Variants in SMG7 observed in about 807,000 individuals in gnomAD.
SMG7 encodes nonsense-mediated mRNA decay factor SMG7.
SMG7 carries 34 observed loss-of-function variants against 148.2 expected under a neutral mutation model. That is an observed-to-expected ratio of 0.23 (90% CI 0.17 to 0.31). SMG7 has a LOEUF of 0.31. SMG7 is among the 10% of genes least tolerant of loss of function. SMG7 has a pLI of 1.00. For missense variants in SMG7, 1,114 were observed against 1,408.4 expected, an observed-to-expected ratio of 0.79 and a Z score of 3.35; for synonymous variants, 492 against 515.1, an observed-to-expected ratio of 0.96 and a Z score of 0.61.
At chr1:183,520,931 TATA>T (rs1029299523) in intron 4 of SMG7, among the ~76,000 whole-genome samples, 84 of 152,344 alleles carry the variant, frequency 5.5e-4, no homozygotes, top group African/African-American at 1.9e-3. Context: ...TAAAACTTTT[TATA>T]ATAAGCATTG....
At chr1:183,490,977 G>A (rs1340926718) in intron 1 of SMG7, among the ~76,000 whole-genome samples, 1 of 152,092 alleles carries the variant, frequency 6.6e-6, no homozygotes, top group African/African-American at 2.4e-5. Context: ...GTAGAGCTGG[G>A]GTTTCGCCAT....
Position 183,550,772 on chromosome 1 carries a change from A to G in SMG7, c.3155A>G (p.Gln1052Arg). The G allele has an allele frequency of 6.2e-7, 1 of 1,614,108 alleles. No homozygotes were observed. The highest frequency in any genetic ancestry group is 8.5e-7 in the Non-Finnish European group (1 of 1,179,980). ...ASSDHSTPAS[Q>R]SPHSSNPSSL... ...ATAGATCATTCAACACCAGCCAGCC[A>G]GTCTCCTCATTCCTCTAACCCAAGC... Residue 1052 changes from glutamine (Q) to arginine (R), a missense_variant, in exon 21 of 23, where the codon CAG becomes CGG. By Grantham distance (43) the Gln-to-Arg change is conservative. Coordinates refer to ENST00000688051, the MANE Select transcript of SMG7 (RefSeq NM_001375584.1).
chr1:183,486,715 T>C (rs1190191640), intron 1 of SMG7, among the ~76,000 whole-genome samples: 2 of 152,068 alleles, frequency 1.3e-5, no homozygotes, highest in Non-Finnish European at 2.9e-5. Context: ...GGCCTTTTCT[T>C]TTTTTCTGAG....
intron 2 of SMG7, 180 bp downstream of exon 2, chr1:183,513,048 C>G (rs1457646456): frequency 7.1e-6 from 4 of 560,446 alleles, no homozygotes; most frequent in Non-Finnish European, 9.1e-6. Context: ...GCTTAAATAA[C>G]TGTTGGGAAT....
chr1:183,545,602 T>C (rs1168772929), intron 16 of SMG7, among the ~76,000 whole-genome samples: 1 of 152,114 alleles, frequency 6.6e-6, no homozygotes, highest in African/African-American at 2.4e-5. Context: ...CATAAACTAC[T>C]AGGGAAATAG....
intron 20 of SMG7, 101 bp downstream of exon 20, chr1:183,550,024 G>T: frequency 5.2e-6 from 4 of 761,916 alleles, no homozygotes; most frequent in South Asian, 3.0e-5. Flanking sequence ...CATTTGTTGG[G>T]TTATTTTTAT....
intron 1 of SMG7, among the ~76,000 whole-genome samples, chr1:183,489,123 C>T (rs1002975433): frequency 6.6e-6 from 1 of 151,856 alleles, no homozygotes; most frequent in African/African-American, 2.4e-5. Context: ...ACTTTTCATA[C>T]AGAAAATTGA....
chr1:183,538,319 A>C, intron 11 of SMG7, 61 bp from the exon 12 acceptor site: 6 of 1,090,320 alleles, frequency 5.5e-6, no homozygotes, highest in Non-Finnish European at 8.5e-6. Context: ...TTTAGTGAAC[A>C]GTATTCCACC....
At chr1:183,495,246 A>G (rs1333220991) in intron 1 of SMG7, among the ~76,000 whole-genome samples, 3 of 152,080 alleles carry the variant, frequency 2.0e-5, no homozygotes, top group East Asian at 3.8e-4. Flanking sequence ...AAATGCTTGT[A>G]GTTGAGCTTC....
intron 2 of SMG7, 48 bp downstream of exon 2, chr1:183,512,916 T>C: frequency 6.7e-7 from 1 of 1,499,612 alleles, no homozygotes; most frequent in Non-Finnish European, 9.0e-7. Flanking sequence ...ATATATTAAA[T>C]TAATGGAAGG....
In SMG7 at chr1:183,552,793, A is replaced by C; in HGVS notation, c.*862A>C. 1.4e-6 allele frequency: 2 copies of C among 1,417,188 alleles called. No homozygotes were observed. The highest frequency in any genetic ancestry group is 1.8e-6 in the Non-Finnish European group (2 of 1,089,040). The allele number at this position is 1,417,188 out of a possible 1,614,324, so 87.8% of individuals were successfully genotyped here. ...AGTCTCACAGAAGGCAGGCTAGTCCATTCACAGCCTGACACGTTCTAATAG... is the reference window on the plus strand; with the variant it reads ...AGTCTCACAGAAGGCAGGCTAGTCCCTTCACAGCCTGACACGTTCTAATAG... On this transcript the variant is annotated 3_prime_UTR_variant, in exon 23 of 23. Coordinates refer to ENST00000688051, the MANE Select transcript of SMG7 (RefSeq NM_001375584.1).
intron 1 of SMG7, among the ~76,000 whole-genome samples, chr1:183,497,154 T>C (rs570997053): frequency 1.3e-5 from 2 of 152,368 alleles, no homozygotes; most frequent in East Asian, 3.9e-4. Flanking sequence ...TTGCTTAAAA[T>C]GTCCAAAAAT....
chr1:183,553,430 TC>T lies in SMG7; in HGVS notation c.*1502del, dbSNP rs1314717308. ...TGTACACACACGTGCCCATCTGCTG[TC>T]CCAGAGGGGAGGGGTTGTGTGTGCG... On this transcript the variant is annotated 3_prime_UTR_variant, in exon 23 of 23. Coordinates refer to ENST00000688051, the MANE Select transcript of SMG7 (RefSeq NM_001375584.1). 19 of 512,246 alleles carry T rather than the reference TC, an allele frequency of 3.7e-5. No individual in the cohort carries two copies. Among genetic ancestry groups the T allele is most frequent in the Non-Finnish European group, 6.3e-5 (18 of 284,632 alleles). 31.7% of individuals were successfully genotyped at this position (512,246 alleles called of 1,614,324 possible).
intron 18 of SMG7, among the ~76,000 whole-genome samples, chr1:183,547,687 T>C (rs923153825): frequency 6.6e-6 from 1 of 152,238 alleles, no homozygotes; most frequent in Non-Finnish European, 1.5e-5. Context: ...CTGACATTAC[T>C]GAACAGTATA....
chr1:183,480,735 G>A (rs530479101), intron 1 of SMG7, among the ~76,000 whole-genome samples: 1 of 152,238 alleles, frequency 6.6e-6, no homozygotes, highest in South Asian at 2.1e-4. Context: ...TCTGAGCTCT[G>A]TTGCGTTTAG....
At chr1:183,486,231 T>C (rs568062714) in intron 1 of SMG7, among the ~76,000 whole-genome samples, 233 of 152,336 alleles carry the variant, frequency 1.5e-3, no homozygotes, top group African/African-American at 3.8e-3. Context: ...GCTAATAATA[T>C]ATGAGATTGC....
chr1:183,494,561 A>T (rs1350398504), intron 1 of SMG7, among the ~76,000 whole-genome samples: 2 of 149,666 alleles, frequency 1.3e-5, no homozygotes, highest in South Asian at 2.1e-4. Flanking sequence ...TATGGTATTG[A>T]TCTCTTGGCA....
At chr1:183,548,295 A>C (rs1670295148) in intron 18 of SMG7, among the ~76,000 whole-genome samples, 1 of 152,152 alleles carries the variant, frequency 6.6e-6, no homozygotes, top group African/African-American at 2.4e-5. Context: ...GCGCACAGGG[A>C]TTGTGGAAGC....
In SMG7 at chr1:183,552,858, T is replaced by G. The variant is rs934789346; in HGVS notation, c.*927T>G. Reference sequence around the variant, plus strand: ...TGTGGTTATTTTTTCTTTGGTTGGTTTTTGTGCCCCCATTCTACTTCCCAC... The same window carrying G: ...TGTGGTTATTTTTTCTTTGGTTGGTGTTTGTGCCCCCATTCTACTTCCCAC... On this transcript the variant is annotated 3_prime_UTR_variant, in exon 23 of 23. Transcript: ENST00000688051. 2.1e-6 allele frequency: 3 copies of G among 1,434,624 alleles called. No individual in the cohort carries two copies. The highest frequency in any genetic ancestry group is 1.8e-6 in the Non-Finnish European group (2 of 1,098,938). 88.9% of individuals were successfully genotyped at this position (1,434,624 alleles called of 1,614,324 possible).
Sources: gnomAD v4.1 joint callset for allele counts (sites outside exome capture counted in the v4.1 genomes callset) on GRCh38, gnomAD v4.1.1 for gene constraint, MANE v1.5 for transcripts, NCBI Gene and HGNC (gene_info 2026-07-23, HGNC 2026-07-21) for gene names.